EP300: variants seen among roughly 807,000 people sequenced by gnomAD.
EP300 encodes EP300 lysine acetyltransferase, also known as histone acetyltransferase p300.
In EP300, 31 loss-of-function variants were observed where a neutral mutation model predicts 264.0. The ratio of observed to expected loss-of-function variants is 0.12; its 90% CI spans 0.09 to 0.16. The LOEUF (loss-of-function observed/expected upper bound fraction) is 0.16. Among genes scored for constraint, EP300 ranks in the 10% least tolerant of loss-of-function variants. The pLI is 1.00. For missense variants in EP300, 2,766 were observed against 3,052.9 expected, an observed-to-expected ratio of 0.91 and a Z score of 2.21; for synonymous variants, 1,340 against 1,045.4, an observed-to-expected ratio of 1.28 and a Z score of -5.44.
At chr22:41,173,543 A>C in intron 28 of EP300, 80 bp from the exon 29 acceptor site, 1 of 1,418,398 alleles carries the variant, frequency 7.1e-7, no homozygotes, top group African/African-American at 1.4e-5. Context: ...TCTAGTTTCA[A>C]AGAAGGGAGA....
Position 41,117,684 on chromosome 22 carries a change from G to A in EP300, c.592G>A (p.Ala198Thr), listed in dbSNP as rs2145697488. Reference protein sequence around the residue: ...PNQVMNGSIGAGRGRQNMQYP... With the variant: ...PNQVMNGSIGTGRGRQNMQYP... ...TCAAGTCATGAACGGTTCAATTGGAGCAGGCCGAGGGCGACAGAATATGCA... is the reference window on the plus strand; with the variant it reads ...TCAAGTCATGAACGGTTCAATTGGAACAGGCCGAGGGCGACAGAATATGCA... The change falls in exon 2 of 31, where the codon GCA (alanine) becomes ACA (threonine). Residue 198 changes from alanine (A) to threonine (T), a missense_variant. Coordinates refer to ENST00000263253, the MANE Select transcript of EP300 (RefSeq NM_001429.4). 1 of 1,614,208 alleles carries A rather than the reference G, an allele frequency of 6.2e-7. No individual in the cohort carries two copies.
rs116922868 is a variant in EP300, at chr22:41,169,434, C to A, written c.4173-69C>A. 1.3e-3 allele frequency: 1,199 copies of A among 922,170 alleles called. 23 individuals are homozygous for A. In the East Asian group the frequency reaches 0.024, roughly 19 times the overall value. 57.1% of individuals were successfully genotyped at this position (922,170 alleles called of 1,614,324 possible). A position where few individuals can be genotyped will look rare whatever the true frequency, so the allele number is the denominator to read the frequency against. On this transcript the variant is annotated intron_variant, in intron 25 of 30. Transcript: ENST00000263253. ...GAGAGTGAGAGGGTGTTATTAGGCA[C>A]ATGGAGTAAAGAACTCATTATGTGA... is the stretch of plus-strand genomic sequence containing the variant.
chr22:41,143,222 G>A (rs1355638365), intron 10 of EP300, among the ~76,000 whole-genome samples: 1 of 152,164 alleles, frequency 6.6e-6, no homozygotes, highest in Non-Finnish European at 1.5e-5. Flanking sequence ...GGAGGCTGAG[G>A]CTGCAGATCA....
At chr22:41,141,276 T>G (rs2058980800) in intron 10 of EP300, 54 bp downstream of exon 10, 8 of 1,568,868 alleles carry the variant, frequency 5.1e-6, no homozygotes, top group Non-Finnish European at 7.0e-6. Context: ...TAAAATAGTT[T>G]CTATCTAAAG....
intron 29 of EP300, chr22:41,175,936 T>C: frequency 2.5e-6 from 1 of 397,412 alleles, no homozygotes; most frequent in South Asian, 2.6e-5. Flanking sequence ...TCATTGGTGC[T>C]CAGCCTGCTG....
At chr22:41,142,985 T>C (rs532430387) in intron 10 of EP300, among the ~76,000 whole-genome samples, 5 of 152,292 alleles carry the variant, frequency 3.3e-5, no homozygotes, top group South Asian at 4.1e-4. Flanking sequence ...CTGTGAGATA[T>C]TAAATTGTAT....
intron 22 of EP300, 41 bp downstream of exon 22, chr22:41,164,171 A>G: frequency 1.3e-6 from 2 of 1,563,438 alleles, no homozygotes; most frequent in Non-Finnish European, 1.8e-6. Flanking sequence ...ATTTTTCTTT[A>G]TCGTGAATAT....
Position 41,146,582 on chromosome 22 carries a change from T to C in EP300, c.2054-157T>C, listed in dbSNP as rs1486222872. 4 of 682,014 alleles carry C rather than the reference T, an allele frequency of 5.9e-6. No individual in the cohort carries two copies. The East Asian group carries it at 1.1e-4, about 19-fold the overall frequency. 42.2% of individuals were successfully genotyped at this position (682,014 alleles called of 1,614,324 possible). A position where few individuals can be genotyped will look rare whatever the true frequency, so the allele number is the denominator to read the frequency against. ...TCTGTATTCCAGAAATAACATTTTCTTCAAGCTTCTGTCTAGTTCAGAGCT... is the reference window on the plus strand; with the variant it reads ...TCTGTATTCCAGAAATAACATTTTCCTCAAGCTTCTGTCTAGTTCAGAGCT... On this transcript the variant is annotated intron_variant, in intron 10 of 30. Coordinates refer to ENST00000263253, the MANE Select transcript of EP300 (RefSeq NM_001429.4).
chr22:41,097,033 A>G (rs2058706400), intron 1 of EP300, among the ~76,000 whole-genome samples: 1 of 152,146 alleles, frequency 6.6e-6, no homozygotes. Context: ...GCTATGTTTT[A>G]TTTTATTTTG....
rs1439243688 is a variant in EP300 at position 41,177,220 on chromosome 22, C to A, written c.5509C>A (p.Arg1837=). 1 of 1,613,994 alleles carries A rather than the reference C, an allele frequency of 6.2e-7. No homozygotes were observed. Among genetic ancestry groups the A allele is most frequent in the Admixed American group, 1.7e-5 (1 of 59,988 alleles). The change falls in exon 31 of 31, where the codon CGG becomes AGG. Residue 1837 remains arginine, a synonymous_variant. Coordinates refer to ENST00000263253, the MANE Select transcript of EP300 (RefSeq NM_001429.4). The part of the protein sequence containing the change: ...MLRRRMASMQ[R]TGVVGQQQGL... The stretch of plus-strand genomic sequence containing the variant: ...TCGCAGGAGGATGGCCAGCATGCAG[C>A]GGACTGGTGTGGTTGGGCAGCAACA...
intron 3 of EP300, 198 bp downstream of exon 3, chr22:41,126,238 G>A: frequency 1.7e-6 from 1 of 601,310 alleles, no homozygotes; most frequent in Non-Finnish European, 2.9e-6. Context: ...TGTGGTTATT[G>A]ATCAGTGAGC....
chr22:41,102,686 G>A (rs2058738072), intron 1 of EP300, among the ~76,000 whole-genome samples: 1 of 152,014 alleles, frequency 6.6e-6, no homozygotes, highest in Non-Finnish European at 1.5e-5. Context: ...AGCTGTTTTA[G>A]GGTTCCAGCC....
At chr22:41,172,378 GTC>G in intron 27 of EP300, 119 bp from the exon 28 acceptor site, 1 of 901,126 alleles carries the variant, frequency 1.1e-6, no homozygotes, top group Middle Eastern at 3.2e-4. Flanking sequence ...TAGGTATAAA[GTC>G]TCTGCCAGCT....
chr22:41,164,081 A>C lies in EP300; in HGVS notation c.3757A>C (p.Lys1253Gln). Residue 1253 changes from lysine (K) to glutamine (Q), a missense_variant, in exon 22 of 31, where the codon AAG becomes CAG. Lys to Gln is a moderately conservative substitution (Grantham distance 53). Coordinates refer to ENST00000263253, the MANE Select transcript of EP300 (RefSeq NM_001429.4). The stretch of plus-strand genomic sequence containing the variant: ...TGTTGAATGTACAGAGTGCGGAAGA[A>C]AGATGCATCAGATCTGTGTCCTTCA... Reference protein sequence around the residue: ...LFVECTECGRKMHQICVLHHE... With the variant: ...LFVECTECGRQMHQICVLHHE... 6.2e-7 allele frequency: 1 copy of C among 1,614,156 alleles called. No homozygotes were observed. The highest frequency in any genetic ancestry group is 8.5e-7 in the Non-Finnish European group (1 of 1,180,018).
At chr22:41,173,323 CCCTT>C (rs1436257115) in intron 28 of EP300, among the ~76,000 whole-genome samples, 4 of 152,180 alleles carry the variant, frequency 2.6e-5, no homozygotes, top group Non-Finnish European at 5.9e-5. Context: ...AAAGTGCCAC[CCCTT>C]CCTTGTTCCC....
chr22:41,126,729 C>CTTTTTTTTTTTTTTTTTTTTTTT (rs71328775), intron 3 of EP300, among the ~76,000 whole-genome samples: 1 of 48,792 alleles, frequency 2.0e-5, no homozygotes, highest in African/African-American at 8.9e-5. Context: ...GAAATGTTCA[C>CTTTTTTTTTTTTTTTTTTTTTTT]TTTTTTTTTT....
At chr22:41,160,435 A>C (rs2059101706) in intron 19 of EP300, 3 of 537,236 alleles carry the variant, frequency 5.6e-6, no homozygotes, top group East Asian at 6.0e-5. Context: ...AAAAAACAAA[A>C]AAAAACAAAA....
rs141721816 is a variant in EP300 at position 41,135,749 on chromosome 22, T to C, written c.1529-64T>C. 4.3e-4 allele frequency: 527 copies of C among 1,214,434 alleles called. 4 individuals carry two copies. The East Asian group carries it at 0.012, about 27-fold the overall frequency. 75.2% of individuals were successfully genotyped at this position (1,214,434 alleles called of 1,614,324 possible). A position where few individuals can be genotyped will look rare whatever the true frequency, so the allele number is the denominator to read the frequency against. On this transcript the variant is annotated intron_variant, in intron 6 of 30. Coordinates refer to ENST00000263253, the MANE Select transcript of EP300 (RefSeq NM_001429.4). The stretch of plus-strand genomic sequence containing the variant: ...ATTTGTCATTTGTTTCTTAACTTTA[T>C]AGTATTTATTGTATGGTGGCTGTTG...
intron 23 of EP300, 171 bp from the exon 24 acceptor site, chr22:41,168,278 T>A: frequency 1.5e-6 from 1 of 676,104 alleles, no homozygotes; most frequent in Non-Finnish European, 2.6e-6. Context: ...TTCCCTGCAC[T>A]CATATGACAT....
Sources: gnomAD v4.1 joint callset for allele counts (sites outside exome capture counted in the v4.1 genomes callset) on GRCh38, gnomAD v4.1.1 for gene constraint, MANE v1.5 for transcripts, NCBI Gene and HGNC (gene_info 2026-07-23, HGNC 2026-07-21) for gene names.